DNAH3: variants seen among roughly 807,000 people sequenced by gnomAD.
DNAH3 encodes the protein axonemal beta dynein heavy chain 3.
A neutral mutation model predicts 432.5 loss-of-function variants in DNAH3; 332 were observed. The ratio of observed to expected loss-of-function variants is 0.77; its 90% CI spans 0.70 to 0.84. The LOEUF is 0.84. Ranked by LOEUF, DNAH3 falls within the 40% of genes least tolerant of loss-of-function variation. The pLI is 0.00. For synonymous variants in DNAH3, 1,956 were observed against 1,900.2 expected (o/e 1.03, Z -0.76); for missense variants, 4,861 against 5,114.0 (o/e 0.95, Z 1.51).
At chr16:21,047,362 G>A (rs1337730861) in intron 31 of DNAH3, among the ~76,000 whole-genome samples, 3 of 149,158 alleles carry the variant, frequency 2.0e-5, no homozygotes, top group Non-Finnish European at 3.0e-5. Context: ...TTTCTTGGAG[G>A]CTTTGCTCAT....
In DNAH3 at chr16:20,952,564, G is replaced by T; in HGVS notation, c.11072-15C>A. The T allele has an allele frequency of 6.7e-7, 1 of 1,499,210 alleles. No homozygotes were observed. Among genetic ancestry groups the T allele is most frequent in the Non-Finnish European group, 9.3e-7 (1 of 1,076,262 alleles). The allele number at this position is 1,499,210 out of a possible 1,614,324, so 92.9% of individuals were successfully genotyped here. ...AATATTCCACCCTGCGTGTGGGAGA[G>T]CAGAGAGAGGCTTCAGTGCTGAGAG... On this transcript the variant is annotated splice_polypyrimidine_tract_variant and intron_variant, in intron 55 of 61. Coordinates refer to ENST00000261383, the Ensembl canonical transcript of DNAH3.
At chr16:21,107,565 C>T (rs1042850193) in intron 14 of DNAH3, among the ~76,000 whole-genome samples, 2 of 152,026 alleles carry the variant, frequency 1.3e-5, no homozygotes, top group Admixed American at 6.6e-5. Context: ...AACAGAACAA[C>T]AGTAAGTTTA....
At chr16:21,084,918 C>A (rs1460685637) in intron 19 of DNAH3, among the ~76,000 whole-genome samples, 1 of 152,160 alleles carries the variant, frequency 6.6e-6, no homozygotes. Context: ...CATAGAGAAA[C>A]CTGGCACTAC....
intron 47 of DNAH3, among the ~76,000 whole-genome samples, chr16:20,986,373 T>G (rs543001181): frequency 1.1e-4 from 16 of 152,016 alleles, no homozygotes; most frequent in Non-Finnish European, 1.9e-4. Flanking sequence ...CTGGGCATCG[T>G]GGTGCACACC....
intron 1 of DNAH3, among the ~76,000 whole-genome samples, chr16:21,153,776 C>G (rs767638717): frequency 1.3e-5 from 2 of 152,078 alleles, no homozygotes; most frequent in Admixed American, 6.6e-5. Flanking sequence ...CCGCGAGGGC[C>G]CACGGCTTCA....
At chr16:21,075,088 G>A (rs1460893071) in intron 21 of DNAH3, among the ~76,000 whole-genome samples, 1 of 152,146 alleles carries the variant, frequency 6.6e-6, no homozygotes, top group East Asian at 1.9e-4. Flanking sequence ...ATTGACATCT[G>A]AGAAACACTA....
chr16:21,029,418 T>C (rs992465383), intron 37 of DNAH3, among the ~76,000 whole-genome samples: 1 of 152,244 alleles, frequency 6.6e-6, no homozygotes, highest in Admixed American at 6.5e-5. Context: ...TAAACAGTTA[T>C]ATAGCACTTG....
chr16:21,101,558 C>T (rs1421474941), intron 16 of DNAH3, among the ~76,000 whole-genome samples: 1 of 152,152 alleles, frequency 6.6e-6, no homozygotes, highest in African/African-American at 2.4e-5. Context: ...AAATAGAATT[C>T]ACTCCCATGT....
rs550084775 is a variant in DNAH3 at position 21,042,392 on chromosome 16, T to A, written c.4462-189A>T. Among the ~76,000 whole-genome samples, 10 of 152,282 alleles carry A rather than the reference T, an allele frequency of 6.6e-5. No homozygotes were observed. In the South Asian group the frequency reaches 8.3e-4, roughly 13 times the overall value. ...GAATATAGGTTTGTGCATGTGTGCA[T>A]GTGCGTGTGTGTGTGTGTTAATAGT... On this transcript the variant is annotated intron_variant, in intron 31 of 61. Transcript: ENST00000261383.
intron 50 of DNAH3, among the ~76,000 whole-genome samples, chr16:20,977,525 G>C (rs564104469): frequency 6.6e-6 from 1 of 152,226 alleles, no homozygotes; most frequent in Non-Finnish European, 1.5e-5. Context: ...CATGTATTTG[G>C]AGACAGTTTT....
intron 41 of DNAH3, among the ~76,000 whole-genome samples, chr16:21,004,595 C>T (rs1044600471): frequency 3.3e-5 from 5 of 151,982 alleles, no homozygotes; most frequent in Admixed American, 1.3e-4. Flanking sequence ...CTCAAACTCC[C>T]GACCTCAGGT....
intron 19 of DNAH3, among the ~76,000 whole-genome samples, chr16:21,085,415 G>A (rs1054935223): frequency 4.6e-5 from 7 of 150,616 alleles, no homozygotes; most frequent in South Asian, 2.1e-4. Flanking sequence ...ATGGTGGCAC[G>A]TGCCTGCAAT....
intron 16 of DNAH3, among the ~76,000 whole-genome samples, chr16:21,099,275 CAGAT>C (rs1370310408): frequency 8.3e-6 from 1 of 120,856 alleles, no homozygotes; most frequent in South Asian, 2.8e-4. Context: ...GATGGATGGA[CAGAT>C]GGATGGATGG....
chr16:21,061,563 C>G lies in DNAH3; in HGVS notation c.3720+919G>C, dbSNP rs185586631. Among the ~76,000 whole-genome samples, 681 of 152,284 alleles carry G rather than the reference C, an allele frequency of 4.5e-3. 1 individual carries two copies. The highest frequency in any genetic ancestry group is 0.016 in the African/African-American group (649 of 41,572). ...ATTACTTTCATGTCATTTTCTGAAACAGACAACTTCTCAGAAGGCAAATGA... is the reference window on the plus strand; with the variant it reads ...ATTACTTTCATGTCATTTTCTGAAAGAGACAACTTCTCAGAAGGCAAATGA... On this transcript the variant is annotated intron_variant, in intron 25 of 61. Coordinates refer to ENST00000261383, the Ensembl canonical transcript of DNAH3.
chr16:21,070,673 GA>G (rs754537248), intron 22 of DNAH3, 36 bp downstream of exon 22: 1 of 1,397,182 alleles, frequency 7.2e-7, no homozygotes, highest in Non-Finnish European at 1.0e-6. Flanking sequence ...CAGAGCTAAC[GA>G]AACACCTCAA....
chr16:20,982,005 A>G (rs2085926803), intron 49 of DNAH3, among the ~76,000 whole-genome samples: 1 of 146,290 alleles, frequency 6.8e-6, no homozygotes, highest in Non-Finnish European at 1.5e-5. Context: ...TATAATATAT[A>G]ATATATATAA....
chr16:21,058,684 G>A (rs1289552797), intron 26 of DNAH3, among the ~76,000 whole-genome samples: 1 of 152,124 alleles, frequency 6.6e-6, no homozygotes, highest in Non-Finnish European at 1.5e-5. Flanking sequence ...CATGTCCTTT[G>A]CAGGGACGTG....
intron 41 of DNAH3, among the ~76,000 whole-genome samples, chr16:21,008,590 T>A (rs1212450208): frequency 1.3e-5 from 2 of 152,102 alleles, no homozygotes; most frequent in Admixed American, 1.3e-4. Flanking sequence ...TTCCCATCCC[T>A]ACTAAGGTCC....
intron 32 of DNAH3, 25 bp downstream of exon 32, chr16:21,042,002 C>G: frequency 6.2e-7 from 1 of 1,613,280 alleles, no homozygotes; most frequent in South Asian, 1.1e-5. Flanking sequence ...AAGCACACCC[C>G]ACATGTATAT....
Sources: gnomAD v4.1 joint callset for allele counts (sites outside exome capture counted in the v4.1 genomes callset) on GRCh38, gnomAD v4.1.1 for gene constraint, MANE v1.5 for transcripts, NCBI Gene and HGNC (gene_info 2026-07-23, HGNC 2026-07-21) for gene names.